Variants in VCF2 observed in about 807,000 individuals in gnomAD.
VCF2 encodes VCP nuclear cofactor family member 2.
the VCF2 span, among the ~76,000 whole-genome samples, chrX:55,157,275 G>A: frequency 2.7e-5 from 3 of 112,677 alleles, no homozygotes; most frequent in East Asian, 2.8e-4. Flanking sequence ...GCTGATGCCT[G>A]TAATCCCAGC....
the VCF2 span, chrX:55,161,125 C>A: frequency 2.5e-6 from 3 of 1,208,761 alleles, no homozygotes; most frequent in Non-Finnish European, 3.4e-6. Flanking sequence ...GGAAAGGCCC[C>A]GACGAACTTA....
chrX:55,154,090 T>C, the VCF2 span, among the ~76,000 whole-genome samples: 1 of 112,024 alleles, frequency 8.9e-6, no homozygotes, highest in Non-Finnish European at 1.9e-5. Context: ...GAAACTGCTA[T>C]CTTAGTACAG....
At chrX:55,146,296 T>A in the VCF2 span, 1 of 1,209,259 alleles carries the variant, frequency 8.3e-7, no homozygotes. Flanking sequence ...CTCCTTTCAT[T>A]ATCACTCCAT....
At chrX:55,151,793 T>G in the VCF2 span, among the ~76,000 whole-genome samples, 2 of 111,502 alleles carry the variant, frequency 1.8e-5, no homozygotes. Context: ...TGGCTACAAG[T>G]CTCCAAAAAT....
the VCF2 span, among the ~76,000 whole-genome samples, chrX:55,157,885 GACAC>G: frequency 8.9e-6 from 1 of 112,321 alleles, no homozygotes; most frequent in Non-Finnish European, 1.9e-5. Context: ...TGGCAAGTTA[GACAC>G]ACTTGTACAG....
the VCF2 span, among the ~76,000 whole-genome samples, chrX:55,152,740 C>A: frequency 8.9e-6 from 1 of 111,874 alleles, no homozygotes; most frequent in African/African-American, 3.3e-5. Flanking sequence ...CTTTTTAAAG[C>A]GACATACCTT....
chrX:55,146,786 G>A, the VCF2 span, among the ~76,000 whole-genome samples: 5 of 112,345 alleles, frequency 4.5e-5, no homozygotes, highest in Non-Finnish European at 7.5e-5. Flanking sequence ...TTATACATAC[G>A]TGCATACACA....
chrX:55,147,635 T>C, the VCF2 span, among the ~76,000 whole-genome samples: 1 of 27,589 alleles, frequency 3.6e-5, no homozygotes, highest in East Asian at 1.2e-3. Context: ...GCTTTCCTTG[T>C]TTTTTTTTTT....
chrX:55,157,775 A>C, the VCF2 span, among the ~76,000 whole-genome samples: 1 of 112,033 alleles, frequency 8.9e-6, no homozygotes, highest in Non-Finnish European at 1.9e-5. Context: ...AAAAAGGCAG[A>C]GATCTGCTCC....
chrX:55,160,519 A>C, the VCF2 span, among the ~76,000 whole-genome samples: 2 of 112,587 alleles, frequency 1.8e-5, no homozygotes, highest in East Asian at 5.6e-4. Context: ...ATCTAAGGAA[A>C]TTTATCACAG....
chrX:55,150,597 T>C, the VCF2 span, among the ~76,000 whole-genome samples: 1 of 112,258 alleles, frequency 8.9e-6, no homozygotes, highest in East Asian at 2.8e-4. Flanking sequence ...GTAGTAATAA[T>C]GATTATGTAA....
the VCF2 span, among the ~76,000 whole-genome samples, chrX:55,151,888 CTTTTTTTTTTTT>C: frequency 4.0e-5 from 2 of 50,049 alleles, no homozygotes; most frequent in Non-Finnish European, 6.8e-5. Flanking sequence ...GCTGTGCTTT[CTTTTTTTTTTTT>C]TTTTTTTTTG....
At chrX:55,158,653 CA>C in the VCF2 span, among the ~76,000 whole-genome samples, 1 of 111,332 alleles carries the variant, frequency 9.0e-6, no homozygotes, top group African/African-American at 3.3e-5. Flanking sequence ...CATGTACCCC[CA>C]AAATATGTAC....
the VCF2 span, among the ~76,000 whole-genome samples, chrX:55,151,808 TTTTCATTTTTTTTCTTTCTTTCC>T: frequency 1.8e-5 from 2 of 111,367 alleles, no homozygotes; most frequent in Non-Finnish European, 3.8e-5. Flanking sequence ...AAAAATAATG[TTTTCATTTTTTTTCTTTCTTTCC>T]TTTCCTTTTT....
the VCF2 span, among the ~76,000 whole-genome samples, chrX:55,152,702 A>T: frequency 8.9e-6 from 1 of 112,203 alleles, no homozygotes. Flanking sequence ...TTCCCATTTT[A>T]TTCCTAAATC....
chrX:55,143,976 TACTGAA>T, the VCF2 span: 2 of 474,615 alleles, frequency 4.2e-6, no homozygotes, highest in Non-Finnish European at 6.9e-6. Context: ...TTCAACTAAG[TACTGAA>T]AAGTCTTACA....
At chrX:55,145,581 C>T in the VCF2 span, 40 of 754,952 alleles carry the variant, frequency 5.3e-5, no homozygotes, top group Non-Finnish European at 6.2e-5. Context: ...CAGTTCATTT[C>T]AGTGCAAGAC....
chrX:55,143,978 C>T, the VCF2 span: 1 of 459,307 alleles, frequency 2.2e-6, no homozygotes, highest in Non-Finnish European at 3.6e-6. Context: ...CAACTAAGTA[C>T]TGAAAAGTCT....
chrX:55,160,325 T>G, the VCF2 span, among the ~76,000 whole-genome samples: 1 of 112,546 alleles, frequency 8.9e-6, no homozygotes, highest in South Asian at 3.7e-4. Flanking sequence ...TTTGAGTATT[T>G]GAGTATTTTG....
Sources: gnomAD v4.1 joint callset for allele counts (sites outside exome capture counted in the v4.1 genomes callset) on GRCh38, gnomAD v4.1.1 for gene constraint, MANE v1.5 for transcripts, NCBI Gene and HGNC (gene_info 2026-07-23, HGNC 2026-07-21) for gene names.